The following NUDCD3 variants were observed in gnomAD, a reference collection of about 807,000 sequenced individuals.
NUDCD3 encodes NudC domain containing 3.
In NUDCD3, 13 loss-of-function variants were observed where a neutral mutation model predicts 39.7. That is an observed-to-expected ratio of 0.33 (90% CI 0.21 to 0.52). The LOEUF (loss-of-function observed/expected upper bound fraction) is 0.52, where lower values mean the gene tolerates loss of function less well. NUDCD3 is among the 20% of genes least tolerant of loss of function. NUDCD3 has a pLI of 0.96. For missense variants in NUDCD3, 453 were observed against 458.1 expected (o/e 0.99, Z 0.10); for synonymous variants, 175 against 172.4 (o/e 1.02, Z -0.12).
At chr7:44,395,644 G>C (rs1798609943) in intron 4 of NUDCD3, among the ~76,000 whole-genome samples, 1 of 152,084 alleles carries the variant, frequency 6.6e-6, no homozygotes, top group South Asian at 2.1e-4. Context: ...GCCGGTTCTG[G>C]ACATTTCACA....
intron 2 of NUDCD3, among the ~76,000 whole-genome samples, chr7:44,455,801 C>A (rs1240141708): frequency 6.6e-6 from 1 of 151,724 alleles, no homozygotes; most frequent in Non-Finnish European, 1.5e-5. Context: ...CCGAGGCGGG[C>A]GGATCACGAG....
intron 2 of NUDCD3, among the ~76,000 whole-genome samples, chr7:44,477,748 G>C (rs554058677): frequency 6.7e-6 from 1 of 150,292 alleles, no homozygotes; most frequent in Non-Finnish European, 1.5e-5. Context: ...TGGTCACCCA[G>C]TCTAGTATTA....
chr7:44,474,165 T>C (rs1336433710), intron 2 of NUDCD3, among the ~76,000 whole-genome samples: 1 of 147,762 alleles, frequency 6.8e-6, no homozygotes, highest in African/African-American at 2.5e-5. Flanking sequence ...GAAGTACATA[T>C]ATTACCTTTC....
chr7:44,413,844 G>A (rs773906213), intron 3 of NUDCD3, among the ~76,000 whole-genome samples: 2 of 152,100 alleles, frequency 1.3e-5, no homozygotes, highest in Admixed American at 6.5e-5. Context: ...CTTGTGCCCA[G>A]GAGTACAAGA....
intron 2 of NUDCD3, chr7:44,468,269 C>A (rs751410888): frequency 1.3e-6 from 2 of 1,591,698 alleles, no homozygotes; most frequent in South Asian, 2.2e-5. Flanking sequence ...AGTCACCAAC[C>A]CCAATGCCAG....
intron 4 of NUDCD3, among the ~76,000 whole-genome samples, chr7:44,401,695 C>T (rs571198926): frequency 6.6e-6 from 1 of 152,294 alleles, no homozygotes; most frequent in East Asian, 1.9e-4. Flanking sequence ...CGGGCAGTGA[C>T]AGGTGCCCCT....
intron 2 of NUDCD3, among the ~76,000 whole-genome samples, chr7:44,454,936 AACAC>A (rs10539692): frequency 6.4e-4 from 92 of 143,356 alleles, no homozygotes; most frequent in South Asian, 5.4e-3. Context: ...CCTGTCTCAA[AACAC>A]ACACACACAC....
intron 2 of NUDCD3, chr7:44,467,818 A>G (rs1379465935): frequency 1.7e-4 from 38 of 223,882 alleles, no homozygotes; most frequent in African/African-American, 7.8e-4. Context: ...AGACCTCAGT[A>G]AAAAAAAAAA....
rs184910787 is a variant in NUDCD3 at position 44,473,392 on chromosome 7, A to C, written c.509+11576T>G. ...TGAGCCTGGGTCAGTTTCCTAAACT[A>C]CAAAATGGGAAGGCAACAGAACGGC... On this transcript the variant is annotated intron_variant, in intron 2 of 5. Coordinates refer to ENST00000355451, the MANE Select transcript of NUDCD3 (RefSeq NM_015332.4). 2.7e-3 allele frequency among the ~76,000 whole-genome samples: 406 copies of C among 152,340 alleles called. 3 individuals carry two copies. Among genetic ancestry groups the C allele is most frequent in the African/African-American group, 8.8e-3 (367 of 41,570 alleles).
rs1230558637 is a variant in NUDCD3, at chr7:44,485,369, A to T, written c.193-85T>A. The T allele has an allele frequency of 3.3e-6, 4 of 1,210,050 alleles. No homozygotes were observed. In the African/African-American group the frequency reaches 4.6e-5, roughly 14 times the overall value. The allele number at this position is 1,210,050 out of a possible 1,614,324, so 75.0% of individuals were successfully genotyped here. A position where few individuals can be genotyped will look rare whatever the true frequency, so the allele number is the denominator to read the frequency against. ...TGTAGAAATGTCGTAAAATCTGTGA[A>T]GGAGAGAACTAAAAGTCAGAAACTG... On this transcript the variant is annotated intron_variant, in intron 1 of 5. Coordinates refer to ENST00000355451, the MANE Select transcript of NUDCD3 (RefSeq NM_015332.4).
Position 44,413,737 on chromosome 7 carries a change from T to C in NUDCD3, c.643-9154A>G, listed in dbSNP as rs79616576. On this transcript the variant is annotated intron_variant, in intron 3 of 5. Coordinates refer to ENST00000355451, the MANE Select transcript of NUDCD3 (RefSeq NM_015332.4). The stretch of plus-strand genomic sequence containing the variant: ...AGTTAGTATAACCCCATATGGAAGA[T>C]AGTTTAGCAACACTTACAGAAATTA... 6.8e-3 allele frequency among the ~76,000 whole-genome samples: 1,037 copies of C among 152,316 alleles called. 10 individuals carry two copies. The highest frequency in any genetic ancestry group is 0.023 in the African/African-American group (974 of 41,558).
intron 4 of NUDCD3, among the ~76,000 whole-genome samples, chr7:44,396,087 TTGTGTGTG>T (rs10585173): frequency 3.5e-4 from 51 of 145,008 alleles, no homozygotes; most frequent in South Asian, 9.0e-4. Flanking sequence ...TTATCTTCTG[TTGTGTGTG>T]TGTGTGTGTG....
At chr7:44,431,162 C>T (rs1374388294) in intron 2 of NUDCD3, among the ~76,000 whole-genome samples, 1 of 152,202 alleles carries the variant, frequency 6.6e-6, no homozygotes, top group Admixed American at 6.5e-5. Flanking sequence ...CTGGCCCCCA[C>T]TGTGCCACTG....
chr7:44,399,152 T>C (rs1489881080), intron 4 of NUDCD3, among the ~76,000 whole-genome samples: 2 of 152,226 alleles, frequency 1.3e-5, no homozygotes, highest in Non-Finnish European at 2.9e-5. Flanking sequence ...CCCAGCACCC[T>C]GTCCATGGTG....
At chr7:44,406,094 C>T (rs976528511) in intron 3 of NUDCD3, among the ~76,000 whole-genome samples, 2 of 152,226 alleles carry the variant, frequency 1.3e-5, no homozygotes, top group African/African-American at 4.8e-5. Context: ...CCACCACATC[C>T]AGCCCATCAG....
At chr7:44,389,701 C>T (rs1798472900) in intron 5 of NUDCD3, among the ~76,000 whole-genome samples, 1 of 152,162 alleles carries the variant, frequency 6.6e-6, no homozygotes, top group Non-Finnish European at 1.5e-5. Context: ...GTCTTCCTCA[C>T]CGACGTGCCC....
At chr7:44,444,260 T>C (rs1432201499) in intron 2 of NUDCD3, among the ~76,000 whole-genome samples, 1 of 152,166 alleles carries the variant, frequency 6.6e-6, no homozygotes, top group African/African-American at 2.4e-5. Context: ...TTCCTTGGCC[T>C]GTAAATCTAA....
chr7:44,407,263 T>C (rs1798841139), intron 3 of NUDCD3, among the ~76,000 whole-genome samples: 1 of 145,316 alleles, frequency 6.9e-6, no homozygotes, highest in Non-Finnish European at 1.5e-5. Context: ...AAAAATATTT[T>C]TGTATTAAAA....
chr7:44,450,823 G>C (rs1216772072), intron 2 of NUDCD3, among the ~76,000 whole-genome samples: 2 of 151,972 alleles, frequency 1.3e-5, no homozygotes, highest in African/African-American at 2.4e-5. Flanking sequence ...ACAAAGACTT[G>C]TACACAAATG....
Sources: gnomAD v4.1 joint callset for allele counts (sites outside exome capture counted in the v4.1 genomes callset) on GRCh38, gnomAD v4.1.1 for gene constraint, MANE v1.5 for transcripts, NCBI Gene and HGNC (gene_info 2026-07-23, HGNC 2026-07-21) for gene names.